Variants in TMEM131 observed in about 807,000 individuals in gnomAD.
TMEM131 encodes transmembrane protein 131, also known as 2610524E03Rik.
In TMEM131, 66 loss-of-function variants were observed where a neutral mutation model predicts 211.6. The observed-to-expected ratio is 0.31, with a 90% CI of 0.26 to 0.38. The LOEUF is 0.38. Among genes scored for constraint, TMEM131 ranks in the 10% least tolerant of loss-of-function variants. TMEM131 has a pLI of 1.00. For synonymous variants in TMEM131, 844 were observed against 841.3 expected (o/e 1.00, Z -0.06); for missense variants, 2,036 against 2,299.3 (o/e 0.89, Z 2.34).
chr2:97,910,914 C>T (rs1676265630), intron 2 of TMEM131, among the ~76,000 whole-genome samples: 1 of 152,116 alleles, frequency 6.6e-6, no homozygotes, highest in African/African-American at 2.4e-5. Context: ...CCAAATCACT[C>T]CACTCCTAGA....
At chr2:97,868,645 C>T (rs982051828) in intron 4 of TMEM131, among the ~76,000 whole-genome samples, 2 of 152,108 alleles carry the variant, frequency 1.3e-5, no homozygotes, top group African/African-American at 2.4e-5. Flanking sequence ...GTAGATTGCA[C>T]ATTATGAGGT....
chr2:97,891,034 A>G (rs1055108972), intron 3 of TMEM131, among the ~76,000 whole-genome samples: 1 of 152,232 alleles, frequency 6.6e-6, no homozygotes, highest in Non-Finnish European at 1.5e-5. Flanking sequence ...TGACACAGGT[A>G]CAATCCTATG....
At chr2:97,917,947 CTTT>C (rs1239831659) in intron 2 of TMEM131, among the ~76,000 whole-genome samples, 1 of 146,046 alleles carries the variant, frequency 6.8e-6, no homozygotes, top group African/African-American at 2.5e-5. Flanking sequence ...TTTTTTCTCT[CTTT>C]TTTTTTTTTT....
intron 31 of TMEM131, among the ~76,000 whole-genome samples, chr2:97,782,852 A>G (rs1290092954): frequency 6.6e-6 from 1 of 152,074 alleles, no homozygotes; most frequent in Non-Finnish European, 1.5e-5. Context: ...AAGATCTGAC[A>G]TTTGTGTTAT....
intron 5 of TMEM131, among the ~76,000 whole-genome samples, chr2:97,853,584 C>T (rs900919371): frequency 7.1e-5 from 10 of 141,838 alleles, no homozygotes; most frequent in Middle Eastern, 3.7e-3. Context: ...CCAGCCTGGG[C>T]GACAGAGTGA....
At chr2:97,808,638 A>G (rs570598009) in intron 19 of TMEM131, among the ~76,000 whole-genome samples, 11 of 152,282 alleles carry the variant, frequency 7.2e-5, no homozygotes, top group Admixed American at 7.2e-4. Context: ...TCATCCATAC[A>G]TTATGTACTA....
intron 11 of TMEM131, among the ~76,000 whole-genome samples, chr2:97,826,772 ACC>A (rs1682407528): frequency 6.6e-6 from 1 of 152,206 alleles, no homozygotes; most frequent in Non-Finnish European, 1.5e-5. Flanking sequence ...TAAATTTAAA[ACC>A]TATAATTGAT....
intron 1 of TMEM131, among the ~76,000 whole-genome samples, chr2:97,956,659 TTC>T (rs1440102451): frequency 2.0e-5 from 3 of 151,000 alleles, no homozygotes; most frequent in Non-Finnish European, 1.5e-5. Flanking sequence ...TTAAAAATAT[TTC>T]TCTTTTTTCA....
At chr2:97,892,198 A>G (rs1675403494) in intron 3 of TMEM131, among the ~76,000 whole-genome samples, 1 of 152,154 alleles carries the variant, frequency 6.6e-6, no homozygotes, top group African/African-American at 2.4e-5. Flanking sequence ...ACGTCTGTGG[A>G]AAGTTTTTTA....
At chr2:97,994,328 T>C (rs1680393400) in intron 1 of TMEM131, among the ~76,000 whole-genome samples, 1 of 152,234 alleles carries the variant, frequency 6.6e-6, no homozygotes, top group South Asian at 2.1e-4. Flanking sequence ...CTTTGAATAA[T>C]TTCCACCAAT....
chr2:97,758,140 A>G (rs1678606418), intron 40 of TMEM131, among the ~76,000 whole-genome samples: 2 of 152,150 alleles, frequency 1.3e-5, no homozygotes, highest in Admixed American at 1.3e-4. Context: ...TCAAAAAAAA[A>G]AAAAAAAAGT....
intron 31 of TMEM131, among the ~76,000 whole-genome samples, chr2:97,777,161 C>T (rs1679776285): frequency 6.6e-6 from 1 of 152,204 alleles, no homozygotes; most frequent in African/African-American, 2.4e-5. Flanking sequence ...GAGAAAGCCC[C>T]AGGTTCTAGC....
At chr2:97,928,704 T>C (rs759267165) in intron 1 of TMEM131, among the ~76,000 whole-genome samples, 1 of 151,590 alleles carries the variant, frequency 6.6e-6, no homozygotes, top group Non-Finnish European at 1.5e-5. Context: ...CCATGGGAGT[T>C]TGGGTTAACC....
chr2:97,837,571 A>C (rs1682995321), intron 7 of TMEM131, among the ~76,000 whole-genome samples: 1 of 152,234 alleles, frequency 6.6e-6, no homozygotes, highest in African/African-American at 2.4e-5. Context: ...CAGTGGATCA[A>C]ATAACTACCA....
chr2:97,853,623 A>AAAGAACATTTGTG (rs1673719292), intron 5 of TMEM131, among the ~76,000 whole-genome samples: 1 of 151,630 alleles, frequency 6.6e-6, no homozygotes, highest in Non-Finnish European at 1.5e-5. Flanking sequence ...AAAAAAAAAA[A>AAAGAACATTTGTG]AAGAACATTT....
At chr2:97,808,248 G>C (rs1306748346) in intron 19 of TMEM131, among the ~76,000 whole-genome samples, 3 of 152,196 alleles carry the variant, frequency 2.0e-5, no homozygotes, top group African/African-American at 7.2e-5. Context: ...AAATGTTTCA[G>C]ATTTGGGAAC....
At position 97,808,023 on chromosome 2, in the gene TMEM131, A is replaced by AT. The variant is rs530500854; in HGVS notation, c.2055+1664dup. Among the ~76,000 whole-genome samples, 124 of 150,284 alleles carry AT rather than the reference A, an allele frequency of 8.3e-4. 2 individuals carry two copies. The South Asian group carries it at 0.018, about 21-fold the overall frequency. ...ATGCTTGGGGCCAGAAGTGTTTTAG[A>AT]TTTTTTTTTTGGAATATTTACATAT... On this transcript the variant is annotated intron_variant, in intron 19 of 40. Coordinates refer to ENST00000186436, the MANE Select transcript of TMEM131 (RefSeq NM_015348.2).
intron 11 of TMEM131, among the ~76,000 whole-genome samples, chr2:97,821,650 T>C (rs116488371): frequency 0.012 from 1,820 of 152,332 alleles, 39 homozygotes; most frequent in African/African-American, 0.041. Flanking sequence ...GGATACATTT[T>C]GGTGACCAGG....
At chr2:97,983,175 C>A (rs1055624862) in intron 1 of TMEM131, among the ~76,000 whole-genome samples, 2 of 152,060 alleles carry the variant, frequency 1.3e-5, no homozygotes, top group African/African-American at 4.8e-5. Flanking sequence ...TTAAAAATTA[C>A]TTTTGTTTTT....
Sources: allele counts gnomAD v4.1 joint callset (sites outside exome capture counted in the v4.1 genomes callset), GRCh38; gene constraint gnomAD v4.1.1; transcripts MANE v1.5; gene names NCBI Gene and HGNC (gene_info 2026-07-23, HGNC 2026-07-21).